RSBN1L: variants seen among roughly 807,000 people sequenced by gnomAD.
RSBN1L encodes lysine-specific demethylase RSBN1L.
In RSBN1L, 30 loss-of-function variants were observed where a neutral mutation model predicts 67.7. The observed-to-expected ratio is 0.44, with a 90% confidence interval of 0.33 to 0.60. The LOEUF is 0.60. RSBN1L is among the 20% of genes least tolerant of loss of function. The pLI, the probability that RSBN1L is intolerant of heterozygous loss-of-function variation, is 0.02. For missense variants in RSBN1L, 992 were observed against 1,031.7 expected, an observed-to-expected ratio of 0.96 and a Z score of 0.53; for synonymous variants, 433 against 387.0, an observed-to-expected ratio of 1.12 and a Z score of -1.39.
intron 1 of RSBN1L, among the ~76,000 whole-genome samples, chr7:77,725,243 A>AATTTTTTTTTTTTTTTTTTTTTTTT (rs1554338354): frequency 6.2e-4 from 36 of 57,876 alleles, no homozygotes; most frequent in African/African-American, 3.0e-3. Context: ...TAAGCCCCCC[A>AATTTTTTTTTTTTTTTTTTTTTTTT]CTTTTTTTTT....
intron 1 of RSBN1L, among the ~76,000 whole-genome samples, chr7:77,703,491 T>A (rs1790846893): frequency 7.7e-6 from 1 of 130,634 alleles, no homozygotes; most frequent in African/African-American, 2.9e-5. Flanking sequence ...TTTTTTTTTT[T>A]TTTTTTTTTT....
intron 2 of RSBN1L, among the ~76,000 whole-genome samples, chr7:77,744,767 C>T (rs148354065): frequency 7.9e-5 from 12 of 152,232 alleles, no homozygotes; most frequent in African/African-American, 2.9e-4. Context: ...TGACTTTATA[C>T]ACCTGTGTAA....
chr7:77,729,339 G>A lies in RSBN1L; in HGVS notation c.587-7071G>A, dbSNP rs567798570. Among the ~76,000 whole-genome samples the A allele has an allele frequency of 3.3e-5, 5 of 152,284 alleles. No individual in the cohort carries two copies. In the South Asian group the frequency reaches 1.0e-3, roughly 32 times the overall value. On this transcript the variant is annotated intron_variant, in intron 1 of 7. Transcript: ENST00000334955. The stretch of plus-strand genomic sequence containing the variant: ...GCTGCAAGGTCAGAACAGAAATGAA[G>A]GCAGTGTCCACTACTGACTCACCTT...
intron 1 of RSBN1L, among the ~76,000 whole-genome samples, chr7:77,707,448 AT>A (rs2150412402): frequency 6.6e-6 from 1 of 152,294 alleles, no homozygotes; most frequent in South Asian, 2.1e-4. Flanking sequence ...TAAGAAATTA[AT>A]TTTATCAGCC....
chr7:77,776,295 C>CAACTGT (rs1791913742), intron 6 of RSBN1L, among the ~76,000 whole-genome samples: 2 of 152,126 alleles, frequency 1.3e-5, no homozygotes, highest in African/African-American at 4.8e-5. Context: ...TCATACAGTT[C>CAACTGT]ACCCATTTAA....
intron 3 of RSBN1L, among the ~76,000 whole-genome samples, chr7:77,758,333 TAA>T (rs951377936): frequency 1.9e-4 from 29 of 152,298 alleles, no homozygotes; most frequent in African/African-American, 6.7e-4. Flanking sequence ...TCGGCCTATT[TAA>T]AAAATCCTTT....
chr7:77,711,448 C>T (rs1243645869), intron 1 of RSBN1L, among the ~76,000 whole-genome samples: 1 of 151,780 alleles, frequency 6.6e-6, no homozygotes, highest in Non-Finnish European at 1.5e-5. Context: ...CATGCGGTCC[C>T]CTTGCCCCAG....
intron 1 of RSBN1L, among the ~76,000 whole-genome samples, chr7:77,704,297 C>T (rs1448629759): frequency 6.6e-6 from 1 of 152,084 alleles, no homozygotes; most frequent in African/African-American, 2.4e-5. Context: ...TCACCAATCT[C>T]AAATGAATTA....
rs1791278878 is a variant in RSBN1L at position 77,732,081 on chromosome 7, C to T, written c.587-4329C>T. Among the ~76,000 whole-genome samples the T allele has an allele frequency of 2.6e-5, 4 of 152,126 alleles. No individual in the cohort carries two copies. In the South Asian group the frequency reaches 6.2e-4, roughly 24 times the overall value. On this transcript the variant is annotated intron_variant, in intron 1 of 7. Coordinates refer to ENST00000334955, the MANE Select transcript of RSBN1L (RefSeq NM_198467.3). ...TTTAGTTTGACTTTTCAGAGAATTT[C>T]TTGCTTTTATGGTGTTAGAATTCTT... is the stretch of plus-strand genomic sequence containing the variant.
chr7:77,765,578 A>T lies in RSBN1L; in HGVS notation c.1428A>T (p.Val476=), dbSNP rs376016083. The T allele has an allele frequency of 2.5e-6, 4 of 1,610,594 alleles. No individual in the cohort carries two copies. The African/African-American group carries it at 5.3e-5, about 22-fold the overall frequency. The part of the protein sequence containing the change: ...ISLVGAVDEE[V]GDYFPEFLDM... The stretch of plus-strand genomic sequence containing the variant: ...TGGTGGGAGCAGTTGATGAAGAAGT[A>T]GGAGATTATTTCCCTGAGTTCCTTG... Residue 476 remains valine, a synonymous_variant, in exon 4 of 8, where the codon GTA becomes GTT. Coordinates refer to ENST00000334955, the MANE Select transcript of RSBN1L (RefSeq NM_198467.3).
intron 3 of RSBN1L, among the ~76,000 whole-genome samples, chr7:77,764,691 A>G (rs1256424186): frequency 1.3e-5 from 2 of 151,952 alleles, no homozygotes; most frequent in South Asian, 2.1e-4. Flanking sequence ...CAGTGGCACA[A>G]TCTCGGCTCA....
chr7:77,776,559 G>A (rs115910245), intron 6 of RSBN1L, among the ~76,000 whole-genome samples: 3 of 152,278 alleles, frequency 2.0e-5, no homozygotes, highest in African/African-American at 4.8e-5. Flanking sequence ...TTCACTTAGC[G>A]TAGTGTTTTG....
rs921764537 is a variant in RSBN1L, at chr7:77,759,789, C to T, written c.1345-5706C>T. On this transcript the variant is annotated intron_variant, in intron 3 of 7. Transcript: ENST00000334955. ...TGGAATGTTGATAGGTATACTAAAACAAGTACAAAAAAAACAGGTTTTGAA... is the reference window on the plus strand; with the variant it reads ...TGGAATGTTGATAGGTATACTAAAATAAGTACAAAAAAAACAGGTTTTGAA... The T allele has an allele frequency of 3.9e-5, 6 of 152,040 alleles. No individual in the cohort carries two copies. In the South Asian group the frequency reaches 1.2e-3, roughly 32 times the overall value. The allele number at this position is 152,040 out of a possible 1,614,324, so 9.4% of individuals were successfully genotyped here. A position where few individuals can be genotyped will look rare whatever the true frequency, so the allele number is the denominator to read the frequency against.
At chr7:77,704,989 A>C (rs985650698) in intron 1 of RSBN1L, among the ~76,000 whole-genome samples, 1 of 97,470 alleles carries the variant, frequency 1.0e-5, no homozygotes, top group African/African-American at 7.0e-5. Flanking sequence ...AAAAAAAAAA[A>C]GTTGTGTGTG....
At chr7:77,772,516 G>A (rs559221373) in intron 5 of RSBN1L, among the ~76,000 whole-genome samples, 1 of 152,332 alleles carries the variant, frequency 6.6e-6, no homozygotes, top group African/African-American at 2.4e-5. Context: ...GTGGAGGAGA[G>A]GGCCAGTGGG....
intron 1 of RSBN1L, among the ~76,000 whole-genome samples, chr7:77,705,546 C>G (rs992804971): frequency 2.7e-4 from 31 of 115,142 alleles, no homozygotes; most frequent in African/African-American, 1.1e-3. Context: ...GAGTCTTGCT[C>G]TGTTGCCCAG....
At chr7:77,729,028 A>G (rs1250093843) in intron 1 of RSBN1L, among the ~76,000 whole-genome samples, 1 of 152,036 alleles carries the variant, frequency 6.6e-6, no homozygotes, top group Non-Finnish European at 1.5e-5. Context: ...TTTATTTTTT[A>G]ACATATTGAA....
chr7:77,740,132 A>G (rs1791390041), intron 2 of RSBN1L, among the ~76,000 whole-genome samples: 1 of 152,146 alleles, frequency 6.6e-6, no homozygotes, highest in South Asian at 2.1e-4. Context: ...AAACCTTATA[A>G]AAGTTTATTT....
chr7:77,748,726 C>G (rs1050453790), intron 2 of RSBN1L, among the ~76,000 whole-genome samples: 3 of 152,076 alleles, frequency 2.0e-5, no homozygotes, highest in Non-Finnish European at 4.4e-5. Context: ...CTCAAGCAAT[C>G]CACTCACCTC....
Sources: allele counts gnomAD v4.1 joint callset (sites outside exome capture counted in the v4.1 genomes callset), GRCh38; gene constraint gnomAD v4.1.1; transcripts MANE v1.5; gene names NCBI Gene and HGNC (gene_info 2026-07-23, HGNC 2026-07-21).